Variants in ASIC2 observed in about 807,000 individuals in gnomAD.
ASIC2 encodes acid sensing ion channel subunit 2.
ASIC2 carries 25 observed loss-of-function variants against 57.3 expected under a neutral mutation model. That is an observed-to-expected ratio of 0.44 (90% CI 0.32 to 0.61). The LOEUF (loss-of-function observed/expected upper bound fraction) is 0.61, where lower values mean the gene tolerates loss of function less well. ASIC2 is among the 20% of genes least tolerant of loss of function. The probability of loss-of-function intolerance (pLI) is 0.06; values close to 1 mark genes in which losing one functional copy is unlikely to be tolerated. For missense variants in ASIC2, 641 were observed against 738.1 expected, an observed-to-expected ratio of 0.87 and a Z score of 1.52; for synonymous variants, 319 against 307.5, an observed-to-expected ratio of 1.04 and a Z score of -0.39.
At chr17:33,485,047 A>G (rs1031935996) in intron 1 of ASIC2, among the ~76,000 whole-genome samples, 1 of 152,210 alleles carries the variant, frequency 6.6e-6, no homozygotes, top group Non-Finnish European at 1.5e-5. Flanking sequence ...TCACCCTTCA[A>G]TTCTTTCCTG....
intron 1 of ASIC2, among the ~76,000 whole-genome samples, chr17:33,137,652 T>G (rs924229050): frequency 6.6e-6 from 1 of 152,138 alleles, no homozygotes; most frequent in African/African-American, 2.4e-5. Context: ...TCCCAGGAGT[T>G]TTGGCCTGCT....
intron 1 of ASIC2, among the ~76,000 whole-genome samples, chr17:33,261,928 T>C (rs4795758): frequency 0.2 from 30,498 of 152,132 alleles, 3,216 homozygotes; most frequent in Admixed American, 0.25. Flanking sequence ...TGCCGTGGCC[T>C]CTTGCTGTCA....
chr17:34,015,068 C>CTTTTTT (rs776970617), intron 1 of ASIC2, among the ~76,000 whole-genome samples: 5 of 129,674 alleles, frequency 3.9e-5, no homozygotes, highest in African/African-American at 1.4e-4. Flanking sequence ...TTTCTTCTGC[C>CTTTTTT]TTTTTTTTTT....
chr17:33,410,637 C>G (rs982350488), intron 1 of ASIC2, among the ~76,000 whole-genome samples: 1 of 152,088 alleles, frequency 6.6e-6, no homozygotes, highest in Non-Finnish European at 1.5e-5. Flanking sequence ...GGCCCTCGTG[C>G]CCATTCTTCT....
chr17:33,922,263 T>A (rs1915723691), intron 1 of ASIC2, among the ~76,000 whole-genome samples: 1 of 152,086 alleles, frequency 6.6e-6, no homozygotes, highest in Admixed American at 6.5e-5. Flanking sequence ...ATTTTCTCAT[T>A]TGTAAGGTGA....
chr17:34,118,404 G>A (rs1168276678), intron 1 of ASIC2: 1 of 152,100 alleles, frequency 6.6e-6, no homozygotes, highest in Non-Finnish European at 1.5e-5. Context: ...GGGGTTGGAG[G>A]AGACTATTGA....
At chr17:33,226,936 C>T (rs530294523) in intron 1 of ASIC2, among the ~76,000 whole-genome samples, 6 of 151,908 alleles carry the variant, frequency 3.9e-5, no homozygotes, top group African/African-American at 1.2e-4. Context: ...AATGTAACTT[C>T]GACATGTAAT....
intron 1 of ASIC2, among the ~76,000 whole-genome samples, chr17:33,578,088 T>C (rs892612309): frequency 6.6e-6 from 1 of 152,174 alleles, no homozygotes. Context: ...TCCCGTCTCC[T>C]AAACAGCTGA....
chr17:33,565,555 G>A (rs773097304), intron 1 of ASIC2, among the ~76,000 whole-genome samples: 11 of 152,148 alleles, frequency 7.2e-5, no homozygotes, highest in East Asian at 1.9e-4. Flanking sequence ...GCCCATGCAC[G>A]TCCTCATCTT....
intron 1 of ASIC2, among the ~76,000 whole-genome samples, chr17:33,579,780 A>C (rs1325471808): frequency 6.6e-6 from 1 of 152,170 alleles, no homozygotes; most frequent in African/African-American, 2.4e-5. Context: ...GAGCAAAAGA[A>C]CAAACTACCA....
intron 3 of ASIC2, among the ~76,000 whole-genome samples, chr17:33,058,470 C>CAAAAAAAA (rs10612611): frequency 1.7e-4 from 19 of 109,700 alleles, no homozygotes; most frequent in African/African-American, 5.2e-4. Flanking sequence ...TCTGAGAAGT[C>CAAAAAAAA]AAAAAAAAAA....
intron 1 of ASIC2, among the ~76,000 whole-genome samples, chr17:33,519,854 C>T (rs893540837): frequency 2.6e-5 from 4 of 152,204 alleles, no homozygotes; most frequent in Non-Finnish European, 5.9e-5. Context: ...CTTCAACTGA[C>T]CAAGAGCAAA....
chr17:33,907,360 C>T (rs1326311634), intron 1 of ASIC2, among the ~76,000 whole-genome samples: 1 of 152,230 alleles, frequency 6.6e-6, no homozygotes, highest in African/African-American at 2.4e-5. Context: ...TTGGACCCTG[C>T]AGCTAAGAAG....
chr17:33,268,038 C>T (rs543362377), intron 1 of ASIC2, among the ~76,000 whole-genome samples: 31 of 152,206 alleles, frequency 2.0e-4, no homozygotes, highest in African/African-American at 7.5e-4. Flanking sequence ...CAAGATATAT[C>T]GACAAAGGAC....
chr17:33,151,269 G>C (rs1904786786), intron 1 of ASIC2, among the ~76,000 whole-genome samples: 1 of 151,424 alleles, frequency 6.6e-6, no homozygotes, highest in Admixed American at 6.6e-5. Flanking sequence ...AGCTACTCTG[G>C]AGGCTGAGGC....
intron 1 of ASIC2, among the ~76,000 whole-genome samples, chr17:34,009,292 C>G (rs1306045306): frequency 1.3e-5 from 2 of 152,140 alleles, no homozygotes; most frequent in Non-Finnish European, 2.9e-5. Context: ...TTGTGTCTAG[C>G]AGCAGCCTAG....
chr17:33,994,977 C>A (rs1233702861), intron 1 of ASIC2, among the ~76,000 whole-genome samples: 1 of 152,132 alleles, frequency 6.6e-6, no homozygotes, highest in Non-Finnish European at 1.5e-5. Flanking sequence ...CACATATAGA[C>A]CCTTCCTAGC....
intron 1 of ASIC2, among the ~76,000 whole-genome samples, chr17:33,169,392 A>G (rs114607681): frequency 6.6e-6 from 1 of 152,198 alleles, no homozygotes; most frequent in Non-Finnish European, 1.5e-5. Flanking sequence ...AAAATGGGGA[A>G]AGGCACTACC....
chr17:34,099,817 T>A (rs1418199645), intron 1 of ASIC2, among the ~76,000 whole-genome samples: 2 of 151,388 alleles, frequency 1.3e-5, no homozygotes, highest in African/African-American at 2.4e-5. Context: ...GAGAATCTCA[T>A]AGTATTCCGA....
Sources: gnomAD v4.1 joint callset for allele counts (sites outside exome capture counted in the v4.1 genomes callset) on GRCh38, gnomAD v4.1.1 for gene constraint, MANE v1.5 for transcripts, NCBI Gene and HGNC (gene_info 2026-07-23, HGNC 2026-07-21) for gene names.